Variants in ABCC5 observed in about 807,000 individuals in gnomAD.
The protein encoded by ABCC5 is ATP-binding cassette sub-family C member 5.
In ABCC5, 61 loss-of-function variants were observed where a neutral mutation model predicts 160.9. The observed-to-expected ratio is 0.38, with a 90% CI of 0.31 to 0.47. ABCC5 has a LOEUF of 0.47. ABCC5 is among the 20% of genes least tolerant of loss of function. The pLI, the probability that ABCC5 is intolerant of heterozygous loss-of-function variation, is 0.99. For synonymous variants in ABCC5, 666 were observed against 700.6 expected (o/e 0.95, Z 0.78); for missense variants, 1,308 against 1,813.3 (o/e 0.72, Z 5.06).
chr3:183,934,132 C>A (rs930945135), intron 26 of ABCC5, among the ~76,000 whole-genome samples: 1 of 152,278 alleles, frequency 6.6e-6, no homozygotes, highest in East Asian at 1.9e-4. Context: ...ATGGTGAAAC[C>A]CCGTCTCTAC....
At chr3:183,956,123 T>A (rs1715908353) in intron 17 of ABCC5, among the ~76,000 whole-genome samples, 1 of 131,942 alleles carries the variant, frequency 7.6e-6, no homozygotes, top group Admixed American at 8.0e-5. Flanking sequence ...CAGCTCCGTG[T>A]GTATATCACA....
At chr3:183,965,603 C>T (rs1166222676) in intron 12 of ABCC5, 102 bp from the exon 13 acceptor site, 27 of 1,503,788 alleles carry the variant, frequency 1.8e-5, no homozygotes, top group Non-Finnish European at 2.2e-5. Flanking sequence ...CTGGTAATTT[C>T]CCGGGATGCT....
intron 2 of ABCC5, among the ~76,000 whole-genome samples, chr3:184,007,293 T>G (rs1317683609): frequency 6.6e-6 from 1 of 151,882 alleles, no homozygotes; most frequent in Non-Finnish European, 1.5e-5. Context: ...GTGCTGAGAT[T>G]ACAGGCGTGA....
intron 11 of ABCC5, among the ~76,000 whole-genome samples, chr3:183,970,590 G>A (rs572953194): frequency 6.6e-6 from 1 of 151,800 alleles, no homozygotes; most frequent in East Asian, 1.9e-4. Flanking sequence ...AACTATAGGC[G>A]TACAGCTGGC....
chr3:183,945,133 C>A (rs969670079), intron 24 of ABCC5, among the ~76,000 whole-genome samples: 5 of 152,164 alleles, frequency 3.3e-5, no homozygotes, highest in Admixed American at 3.3e-4. Context: ...TCCTGTTAAG[C>A]CTTCGGAACT....
chr3:183,964,006 C>G (rs1252432325), intron 14 of ABCC5, among the ~76,000 whole-genome samples: 1 of 152,206 alleles, frequency 6.6e-6, no homozygotes, highest in African/African-American at 2.4e-5. Context: ...CCTTTGTCAC[C>G]CAGTTCCCCA....
intron 29 of ABCC5, among the ~76,000 whole-genome samples, chr3:183,924,907 A>G (rs1256343102): frequency 6.6e-6 from 1 of 152,192 alleles, no homozygotes; most frequent in Non-Finnish European, 1.5e-5. Flanking sequence ...TATGGGAGAG[A>G]GAAGGGCAAA....
At chr3:183,944,010 C>T (rs1211198937) in intron 24 of ABCC5, among the ~76,000 whole-genome samples, 1 of 152,182 alleles carries the variant, frequency 6.6e-6, no homozygotes, top group East Asian at 1.9e-4. Context: ...AAATATTCTA[C>T]CACTAATGAG....
intron 24 of ABCC5, among the ~76,000 whole-genome samples, chr3:183,944,018 G>A (rs1485113646): frequency 6.6e-6 from 1 of 152,120 alleles, no homozygotes; most frequent in African/African-American, 2.4e-5. Context: ...TACCACTAAT[G>A]AGGCTCACTG....
At chr3:184,000,090 G>A (rs1720623128) in intron 2 of ABCC5, among the ~76,000 whole-genome samples, 2 of 151,852 alleles carry the variant, frequency 1.3e-5, no homozygotes, top group Admixed American at 6.6e-5. Flanking sequence ...TGGGCGCGGC[G>A]GCTCACACCT....
chr3:183,931,999 T>C (rs1358319048), intron 26 of ABCC5, among the ~76,000 whole-genome samples: 2 of 152,232 alleles, frequency 1.3e-5, no homozygotes, highest in East Asian at 3.8e-4. Flanking sequence ...TTTTCATCTT[T>C]GGTTCTTCAT....
intron 2 of ABCC5, among the ~76,000 whole-genome samples, chr3:184,011,109 A>G (rs1721702175): frequency 6.6e-6 from 1 of 152,146 alleles, no homozygotes; most frequent in African/African-American, 2.4e-5. Flanking sequence ...AATCCTTACC[A>G]TCAATCCCAG....
In ABCC5 at chr3:183,982,976, G is replaced by C; in HGVS notation, c.623C>G (p.Thr208Ser). 1 of 1,614,190 alleles carries C rather than the reference G, an allele frequency of 6.2e-7. No homozygotes were observed. Among genetic ancestry groups the C allele is most frequent in the Non-Finnish European group, 8.5e-7 (1 of 1,180,038 alleles). Residue 208 changes from threonine (T) to serine (S), a missense_variant, in exon 6 of 30, where the codon ACC becomes AGC. Physicochemically the swap from Thr to Ser is moderately conservative, Grantham distance 58 (BLOSUM62 1). Coordinates refer to ENST00000334444, the MANE Select transcript of ABCC5 (RefSeq NM_005688.4). The surrounding 1 kb of genome is among the most constrained non-coding windows in gnomAD (Gnocchi z 5.2). ...AFMVKHLLEY[T>S]QATESNLQYS... The stretch of plus-strand genomic sequence containing the variant: ...CTGCAGGTTAGACTCTGTTGCCTGG[G>C]TATACTCCAAGAGGTGTTTCACCAT...
In ABCC5 at chr3:183,970,437, AC is replaced by A. The variant is rs1269111858; in HGVS notation, c.1761+1125del. 6.6e-4 allele frequency among the ~76,000 whole-genome samples: 83 copies of A among 125,802 alleles called. No individual in the cohort carries two copies. The Middle Eastern group carries it at 0.025, about 38-fold the overall frequency. The allele number at this position is 125,802 out of a possible 152,430, so 82.5% of individuals were successfully genotyped here. ...GCCCCAGCACACTCTCTCCTCACCC[AC>A]CTTTTTTTTTTTTTTTGAGACTCAC... On this transcript the variant is annotated intron_variant, in intron 11 of 29. Transcript: ENST00000334444.
chr3:184,001,922 C>T (rs953318814), intron 2 of ABCC5, among the ~76,000 whole-genome samples: 1 of 152,144 alleles, frequency 6.6e-6, no homozygotes, highest in Non-Finnish European at 1.5e-5. Context: ...ACAGCAGCTG[C>T]TTTGTCTTAA....
intron 26 of ABCC5, among the ~76,000 whole-genome samples, chr3:183,930,998 A>G (rs562130025): frequency 1.7e-4 from 26 of 152,304 alleles, no homozygotes; most frequent in Non-Finnish European, 2.9e-4. Flanking sequence ...ATAGTACTGA[A>G]CCGTATAAAT....
At chr3:183,938,951 G>C (rs1389577757) in intron 25 of ABCC5, among the ~76,000 whole-genome samples, 1 of 152,206 alleles carries the variant, frequency 6.6e-6, no homozygotes. Context: ...TGGGGGATCA[G>C]TGTTATTACA....
Position 183,981,789 on chromosome 3 carries a change from A to C in ABCC5, c.1085T>G (p.Leu362Arg). ...CATTTTGATAAATTTAATGTAAGTAAGAACTTCATTCATCTTCTGGACACG... is the reference window on the plus strand; with the variant it reads ...CATTTTGATAAATTTAATGTAAGTACGAACTTCATTCATCTTCTGGACACG... ...DERVQKMNEVLTYIKFIKMYA... is the reference protein window; with the variant it reads ...DERVQKMNEVRTYIKFIKMYA... Residue 362 changes from leucine to arginine, a missense_variant, in exon 8 of 30, where the codon CTT becomes CGT. Leu to Arg is a moderately radical substitution (Grantham distance 102, BLOSUM62 -2). Around this residue, in one of 3 missense-constraint regions of ABCC5, gnomAD observed 1,142 missense variants for 1,527.1 expected, o/e 0.75. Coordinates refer to ENST00000334444, the MANE Select transcript of ABCC5 (RefSeq NM_005688.4). The C allele has an allele frequency of 6.2e-7, 1 of 1,611,330 alleles. No individual in the cohort carries two copies. The highest frequency in any genetic ancestry group is 8.5e-7 in the Non-Finnish European group (1 of 1,179,232).
At chr3:184,004,218 A>G in intron 2 of ABCC5, among the ~76,000 whole-genome samples, 1 of 151,314 alleles carries the variant, frequency 6.6e-6, no homozygotes, top group Non-Finnish European at 1.5e-5. Flanking sequence ...TTAGCTAAAA[A>G]AAAAAAAAAA....
Sources: allele counts gnomAD v4.1 joint callset (sites outside exome capture counted in the v4.1 genomes callset), GRCh38; gene constraint gnomAD v4.1.1; regional missense constraint gnomAD v4.1.1; non-coding constraint Gnocchi (gnomAD v3.1); transcripts MANE v1.5; gene names NCBI Gene and HGNC (gene_info 2026-07-23, HGNC 2026-07-21).